Variants in SLC35F3 observed in about 807,000 individuals in gnomAD.
The protein encoded by SLC35F3 is solute carrier family 35 member F3, also known as putative thiamine transporter SLC35F3.
In SLC35F3, 25 loss-of-function variants were observed where a neutral mutation model predicts 49.9. The ratio of observed to expected loss-of-function variants is 0.50; its 90% CI spans 0.37 to 0.70. SLC35F3 has a LOEUF of 0.70. Among genes scored for constraint, SLC35F3 ranks in the 30% least tolerant of loss-of-function variants. SLC35F3 has a pLI of 0.00. For missense variants in SLC35F3, 525 were observed against 639.8 expected (o/e 0.82, Z 1.94); for synonymous variants, 275 against 265.4 (o/e 1.04, Z -0.35).
At chr1:234,311,351 C>T (rs74800216) in intron 4 of SLC35F3, among the ~76,000 whole-genome samples, 14 of 152,272 alleles carry the variant, frequency 9.2e-5, no homozygotes, top group East Asian at 1.9e-4. Context: ...TGCATGGGAC[C>T]GCTCAGACTT....
rs548212983 is a variant in SLC35F3, at chr1:234,275,766, A to G, written c.609-33335A>G. 4.5e-4 allele frequency among the ~76,000 whole-genome samples: 45 copies of G among 99,496 alleles called. No homozygotes were observed. In the East Asian group the frequency reaches 8.6e-3, roughly 19 times the overall value. The allele number at this position is 99,496 out of a possible 152,430, so 65.3% of individuals were successfully genotyped here. ...TGGTAAGTATTGAAAAAAAAAAAAT[A>G]TATATATATATATATAGCACAGAAG... On this transcript the variant is annotated intron_variant, in intron 3 of 7. Coordinates refer to ENST00000366618, the MANE Select transcript of SLC35F3 (RefSeq NM_173508.4).
intron 2 of SLC35F3, among the ~76,000 whole-genome samples, chr1:233,952,400 G>C (rs954103766): frequency 6.6e-6 from 1 of 152,174 alleles, no homozygotes; most frequent in Non-Finnish European, 1.5e-5. Flanking sequence ...GGTGTGGGCT[G>C]TGCTCCAATA....
chr1:234,166,350 C>G (rs1195286319), intron 2 of SLC35F3, among the ~76,000 whole-genome samples: 1 of 152,228 alleles, frequency 6.6e-6, no homozygotes, highest in Admixed American at 6.5e-5. Flanking sequence ...TATATTAAGG[C>G]TCACTCTTAC....
At chr1:233,908,542 T>TC (rs1189130360) in intron 2 of SLC35F3, among the ~76,000 whole-genome samples, 4 of 145,028 alleles carry the variant, frequency 2.8e-5, no homozygotes, top group African/African-American at 1.0e-4. Flanking sequence ...GATTCTTTTT[T>TC]TTTTTTTTTT....
At chr1:234,080,322 A>G (rs571966453) in intron 2 of SLC35F3, among the ~76,000 whole-genome samples, 1 of 152,170 alleles carries the variant, frequency 6.6e-6, no homozygotes, top group East Asian at 1.9e-4. Flanking sequence ...TTATTACATT[A>G]CAGTATCACA....
intron 2 of SLC35F3, among the ~76,000 whole-genome samples, chr1:234,140,120 G>A (rs761567167): frequency 6.6e-6 from 1 of 151,908 alleles, no homozygotes; most frequent in Non-Finnish European, 1.5e-5. Flanking sequence ...GGACAAAGGG[G>A]TGATTCACAT....
intron 3 of SLC35F3, among the ~76,000 whole-genome samples, chr1:234,300,104 A>G (rs1185265974): frequency 6.6e-6 from 1 of 152,248 alleles, no homozygotes; most frequent in Non-Finnish European, 1.5e-5. Flanking sequence ...CTGAGATTTT[A>G]AAAGCTAAAC....
chr1:233,986,253 T>C (rs1300562900), intron 2 of SLC35F3, among the ~76,000 whole-genome samples: 1 of 152,220 alleles, frequency 6.6e-6, no homozygotes, highest in Non-Finnish European at 1.5e-5. Context: ...ATCTTTCTTT[T>C]AAAATTTTCA....
chr1:234,180,773 G>A (rs1666545007), intron 2 of SLC35F3, among the ~76,000 whole-genome samples: 1 of 152,200 alleles, frequency 6.6e-6, no homozygotes, highest in Non-Finnish European at 1.5e-5. Context: ...AGGCAGGGAA[G>A]GAGGGAAGAT....
chr1:234,172,095 C>T (rs1666407721), intron 2 of SLC35F3, among the ~76,000 whole-genome samples: 1 of 152,146 alleles, frequency 6.6e-6, no homozygotes, highest in African/African-American at 2.4e-5. Flanking sequence ...GTGTCCTCAC[C>T]TTTCCTGGCC....
rs757673463 is a variant in SLC35F3, at chr1:233,974,174, C to CTTTTTTTT, written c.283+68436_283+68443dup. ...TACATTCCAGGATGTATTTCTATTTCTTTTTTTTTTTTTTTTTTTTTTTTT... is the reference window on the plus strand; with the variant it reads ...TACATTCCAGGATGTATTTCTATTTCTTTTTTTTTTTTTTTTTTTTTTTTTTTTTTTTT... On this transcript the variant is annotated intron_variant, in intron 2 of 7. Transcript: ENST00000366618. Among the ~76,000 whole-genome samples the CTTTTTTTT allele has an allele frequency of 8.4e-4, 70 of 83,118 alleles. 1 individual carries two copies. Among genetic ancestry groups the CTTTTTTTT allele is most frequent in the Non-Finnish European group, 1.1e-3 (48 of 45,146 alleles). 54.5% of individuals were successfully genotyped at this position (83,118 alleles called of 152,430 possible). A position where few individuals can be genotyped will look rare whatever the true frequency, so the allele number is the denominator to read the frequency against.
In SLC35F3 at chr1:234,155,404, T is replaced by G. The variant is rs189413797; in HGVS notation, c.284-76013T>G. Among the ~76,000 whole-genome samples the G allele has an allele frequency of 0.021, 2,250 of 109,428 alleles. 35 individuals are homozygous for G. The East Asian group carries it at 0.37, about 18-fold the overall frequency. The allele number at this position is 109,428 out of a possible 152,430, so 71.8% of individuals were successfully genotyped here. On this transcript the variant is annotated intron_variant, in intron 2 of 7. Transcript: ENST00000366618. The stretch of plus-strand genomic sequence containing the variant: ...AAACTGCTATTCACCTGATTATTAT[T>G]ATTATTATTATTATTATTTTTGAGA...
At chr1:234,149,397 T>TAA (rs952129525) in intron 2 of SLC35F3, among the ~76,000 whole-genome samples, 5 of 152,236 alleles carry the variant, frequency 3.3e-5, no homozygotes, top group African/African-American at 1.2e-4. Context: ...TGTGAGTCAC[T>TAA]AAAGAGTTAG....
intron 2 of SLC35F3, among the ~76,000 whole-genome samples, chr1:234,152,221 A>T (rs184287819): frequency 6.9e-5 from 10 of 144,546 alleles, no homozygotes. Context: ...CATTATTATT[A>T]TTATTGTTAT....
chr1:233,964,617 G>A (rs115556939), intron 2 of SLC35F3, among the ~76,000 whole-genome samples: 1 of 152,244 alleles, frequency 6.6e-6, no homozygotes, highest in African/African-American at 2.4e-5. Context: ...GGCATGCGAG[G>A]AGCCAACATT....
chr1:234,277,719 A>G (rs992507419), intron 3 of SLC35F3, among the ~76,000 whole-genome samples: 1 of 152,244 alleles, frequency 6.6e-6, no homozygotes, highest in African/African-American at 2.4e-5. Flanking sequence ...ATAACCAAGT[A>G]GAAATGGTAT....
chr1:234,011,172 A>T (rs985623078), intron 2 of SLC35F3, among the ~76,000 whole-genome samples: 2 of 152,232 alleles, frequency 1.3e-5, no homozygotes, highest in Non-Finnish European at 2.9e-5. Context: ...AACAACAAGT[A>T]AGATAATTAT....
intron 2 of SLC35F3, among the ~76,000 whole-genome samples, chr1:234,220,953 G>A (rs1667195292): frequency 6.6e-6 from 1 of 152,144 alleles, no homozygotes; most frequent in African/African-American, 2.4e-5. Flanking sequence ...AACCAATCAG[G>A]TGATATGGAA....
intron 2 of SLC35F3, among the ~76,000 whole-genome samples, chr1:233,959,340 G>T (rs1037821882): frequency 9.9e-5 from 15 of 151,660 alleles, no homozygotes; most frequent in Admixed American, 7.2e-4. Context: ...ACGACTTTTT[G>T]CCCTTAACTG....
Sources: allele counts gnomAD v4.1 joint callset (sites outside exome capture counted in the v4.1 genomes callset), GRCh38; gene constraint gnomAD v4.1.1; transcripts MANE v1.5; gene names NCBI Gene and HGNC (gene_info 2026-07-23, HGNC 2026-07-21).